Variants in PTPRG observed in about 807,000 individuals in gnomAD.
The protein encoded by PTPRG is protein tyrosine phosphatase receptor type G, also known as receptor-type tyrosine-protein phosphatase gamma.
PTPRG carries 102 observed loss-of-function variants against 165.3 expected under a neutral mutation model. The ratio of observed to expected loss-of-function variants is 0.62; its 90% CI spans 0.53 to 0.73. The LOEUF is 0.73. Ranked by LOEUF, PTPRG falls within the 30% of genes least tolerant of loss-of-function variation. PTPRG has a pLI of 0.00. For synonymous variants in PTPRG, 675 were observed against 669.5 expected (o/e 1.01, Z -0.13); for missense variants, 1,866 against 1,861.4 (o/e 1.00, Z -0.05).
At chr3:61,789,203 G>C (rs2034798897) in intron 2 of PTPRG, among the ~76,000 whole-genome samples, 1 of 152,050 alleles carries the variant, frequency 6.6e-6, no homozygotes, top group Non-Finnish European at 1.5e-5. Context: ...GGGCTCAGGT[G>C]ATCCTCCCAT....
intron 4 of PTPRG, among the ~76,000 whole-genome samples, chr3:62,034,028 A>G (rs1699861750): frequency 6.6e-6 from 1 of 152,152 alleles, no homozygotes; most frequent in African/African-American, 2.4e-5. Flanking sequence ...GGCCTTCCAA[A>G]TTGCTGGGAT....
At chr3:62,204,729 C>T (rs917083947) in intron 12 of PTPRG, among the ~76,000 whole-genome samples, 4 of 152,128 alleles carry the variant, frequency 2.6e-5, no homozygotes, top group Non-Finnish European at 4.4e-5. Context: ...AAATACGGCC[C>T]TCTCTCCCAG....
At chr3:61,931,053 G>A (rs939215139) in intron 2 of PTPRG, among the ~76,000 whole-genome samples, 1 of 152,220 alleles carries the variant, frequency 6.6e-6, no homozygotes, top group African/African-American at 2.4e-5. Flanking sequence ...AGAGTGCAGC[G>A]CCTAATTCAT....
chr3:61,564,769 C>T (rs1272016818), intron 1 of PTPRG, among the ~76,000 whole-genome samples: 1 of 152,144 alleles, frequency 6.6e-6, no homozygotes, highest in Non-Finnish European at 1.5e-5. Context: ...CCACACTGGT[C>T]GGCCTCGGCC....
chr3:61,935,898 T>C (rs1303333519), intron 2 of PTPRG, among the ~76,000 whole-genome samples: 1 of 151,646 alleles, frequency 6.6e-6, no homozygotes, highest in African/African-American at 2.4e-5. Flanking sequence ...TGGTGTTCCC[T>C]TCAAAATGCG....
chr3:61,639,721 G>A (rs1702013505), intron 1 of PTPRG, among the ~76,000 whole-genome samples: 1 of 152,040 alleles, frequency 6.6e-6, no homozygotes, highest in Non-Finnish European at 1.5e-5. Context: ...AACATTATTG[G>A]TCTATAGAAA....
chr3:62,284,571 G>T (rs752413514), intron 28 of PTPRG, among the ~76,000 whole-genome samples: 5 of 152,024 alleles, frequency 3.3e-5, no homozygotes, highest in Admixed American at 6.6e-5. Context: ...TTGAACAGTT[G>T]CTAGCTCTAG....
chr3:61,910,519 C>T (rs1322994960), intron 2 of PTPRG, among the ~76,000 whole-genome samples: 5 of 152,120 alleles, frequency 3.3e-5, no homozygotes, highest in Non-Finnish European at 7.3e-5. Context: ...ACTGGATTTT[C>T]CTCTCCTGGA....
chr3:62,085,441 G>T (rs75754207), intron 5 of PTPRG, among the ~76,000 whole-genome samples: 3,311 of 152,244 alleles, frequency 0.022, 116 homozygotes, highest in African/African-American at 0.075. Flanking sequence ...GGCCTTAAAG[G>T]ACTGTTTTAC....
At chr3:61,602,062 A>T (rs997082343) in intron 1 of PTPRG, among the ~76,000 whole-genome samples, 1 of 152,194 alleles carries the variant, frequency 6.6e-6, no homozygotes, top group African/African-American at 2.4e-5. Flanking sequence ...GGGTGGCTTT[A>T]TGCAAGATGC....
chr3:62,103,494 A>G (rs1049340707), intron 5 of PTPRG, among the ~76,000 whole-genome samples: 2 of 152,178 alleles, frequency 1.3e-5, no homozygotes. Flanking sequence ...TCCTGTTTCC[A>G]TAGTCTGAGA....
At chr3:62,073,189 A>G (rs771625555) in intron 4 of PTPRG, among the ~76,000 whole-genome samples, 1 of 152,224 alleles carries the variant, frequency 6.6e-6, no homozygotes, top group Non-Finnish European at 1.5e-5. Context: ...AGTGCAGGGA[A>G]AGCAATTCCT....
intron 2 of PTPRG, among the ~76,000 whole-genome samples, chr3:61,902,938 C>T (rs1258399328): frequency 6.6e-6 from 1 of 152,152 alleles, no homozygotes; most frequent in Non-Finnish European, 1.5e-5. Context: ...CCCCTCAACT[C>T]AGCTCTCCTT....
intron 2 of PTPRG, among the ~76,000 whole-genome samples, chr3:61,869,962 A>ATATACC (rs1376026540): frequency 6.6e-6 from 1 of 151,818 alleles, no homozygotes; most frequent in Non-Finnish European, 1.5e-5. Context: ...CTCTCATCCT[A>ATATACC]TATACCTAGT....
intron 3 of PTPRG, among the ~76,000 whole-genome samples, chr3:62,001,630 TAG>T (rs2107719024): frequency 6.6e-6 from 1 of 151,730 alleles, no homozygotes; most frequent in Non-Finnish European, 1.5e-5. Context: ...TATAAGATTT[TAG>T]ATATTATCTT....
At chr3:62,060,077 G>A (rs2107559) in intron 4 of PTPRG, among the ~76,000 whole-genome samples, 99,539 of 151,818 alleles carry the variant, frequency 0.66, 33,985 homozygotes, top group South Asian at 0.86. Flanking sequence ...AATTAGCTGG[G>A]CATGATGGCA....
chr3:61,822,688 G>A (rs549434300), intron 2 of PTPRG, among the ~76,000 whole-genome samples: 3 of 152,284 alleles, frequency 2.0e-5, no homozygotes, highest in African/African-American at 7.2e-5. Context: ...TAAGCAAGGA[G>A]GAATTTTCCA....
intron 7 of PTPRG, among the ~76,000 whole-genome samples, chr3:62,166,225 TTTTTTTTTG>T (rs1704975541): frequency 2.5e-5 from 3 of 122,066 alleles, no homozygotes; most frequent in African/African-American, 9.1e-5. Flanking sequence ...TTTTTTTTTT[TTTTTTTTTG>T]GTGACAAGAA....
At chr3:61,716,835 G>T (rs568155636) in intron 1 of PTPRG, among the ~76,000 whole-genome samples, 6 of 152,228 alleles carry the variant, frequency 3.9e-5, no homozygotes, top group Non-Finnish European at 7.4e-5. Context: ...AGCTGGGTGC[G>T]GTGGCAGGCA....
Sources: gnomAD v4.1 joint callset for allele counts (sites outside exome capture counted in the v4.1 genomes callset) on GRCh38, gnomAD v4.1.1 for gene constraint, MANE v1.5 for transcripts, NCBI Gene and HGNC (gene_info 2026-07-23, HGNC 2026-07-21) for gene names.